CAMK4: variants seen among roughly 807,000 people sequenced by gnomAD.
CAMK4 encodes calcium/calmodulin-dependent protein kinase type IV.
A neutral mutation model predicts 44.9 loss-of-function variants in CAMK4; 22 were observed. The observed-to-expected ratio is 0.49, with a 90% CI of 0.35 to 0.70. CAMK4 has a LOEUF of 0.70. CAMK4 is among the 30% of genes least tolerant of loss of function. CAMK4 has a pLI of 0.01. For synonymous variants in CAMK4, 218 were observed against 215.4 expected, an observed-to-expected ratio of 1.01 and a Z score of -0.11; for missense variants, 498 against 586.8, an observed-to-expected ratio of 0.85 and a Z score of 1.56.
chr5:111,443,267 TATATATATATATACAC>T (rs1260307788), intron 5 of CAMK4, among the ~76,000 whole-genome samples: 379 of 48,788 alleles, frequency 7.8e-3, no homozygotes, highest in African/African-American at 0.027. Flanking sequence ...TATATATATA[TATATATATATATACAC>T]ACACACACAC....
At chr5:111,272,879 A>C (rs1256065680) in intron 1 of CAMK4, among the ~76,000 whole-genome samples, 1 of 152,144 alleles carries the variant, frequency 6.6e-6, no homozygotes, top group Non-Finnish European at 1.5e-5. Context: ...CCCAGTCGTC[A>C]GATTATTTAC....
intron 6 of CAMK4, among the ~76,000 whole-genome samples, chr5:111,447,313 A>G (rs1410237046): frequency 6.6e-6 from 1 of 152,184 alleles, no homozygotes; most frequent in Non-Finnish European, 1.5e-5. Context: ...GATGGGAGTG[A>G]TTCACAGAAA....
chr5:111,406,432 C>G (rs888753487), intron 5 of CAMK4, among the ~76,000 whole-genome samples: 2 of 152,036 alleles, frequency 1.3e-5, no homozygotes, highest in Non-Finnish European at 2.9e-5. Context: ...CCATGTTGGC[C>G]AGGCTGGTCT....
intron 1 of CAMK4, among the ~76,000 whole-genome samples, chr5:111,255,102 G>T (rs576792573): frequency 6.6e-6 from 1 of 152,086 alleles, no homozygotes; most frequent in Non-Finnish European, 1.5e-5. Context: ...TTTAAACTGG[G>T]CTGTGTATCA....
At position 111,413,588 on chromosome 5, in the gene CAMK4, A is replaced by AG. The variant is rs1455484657; in HGVS notation, c.459+18806_459+18807insG. Among the ~76,000 whole-genome samples, 3 of 152,268 alleles carry AG rather than the reference A, an allele frequency of 2.0e-5. No individual in the cohort carries two copies. In the East Asian group the frequency reaches 5.8e-4, roughly 29 times the overall value. Reference sequence around the variant, plus strand: ...CAACACTCCATCTCAAAAAAAAAAAAAAATTATTATGGAGCTAAAGCTATG... The same window carrying AG: ...CAACACTCCATCTCAAAAAAAAAAAAGAAATTATTATGGAGCTAAAGCTATG... On this transcript the variant is annotated intron_variant, in intron 5 of 10. Transcript: ENST00000282356.
intron 4 of CAMK4, among the ~76,000 whole-genome samples, chr5:111,390,385 C>A (rs1420213941): frequency 6.6e-6 from 1 of 151,782 alleles, no homozygotes; most frequent in Non-Finnish European, 1.5e-5. Context: ...TGCTTCTCAC[C>A]CCCGCCCCAT....
intron 4 of CAMK4, among the ~76,000 whole-genome samples, chr5:111,387,846 G>C (rs1751660781): frequency 6.6e-6 from 1 of 152,188 alleles, no homozygotes; most frequent in Non-Finnish European, 1.5e-5. Context: ...ATCTACTGAT[G>C]TCATACAACT....
Position 111,491,026 on chromosome 5 carries a change from C to G in CAMK4, c.*6560C>G, listed in dbSNP as rs905872000. 1 of 152,126 alleles carries G rather than the reference C, an allele frequency of 6.6e-6. No individual in the cohort carries two copies. Among genetic ancestry groups the G allele is most frequent in the South Asian group, 2.1e-4 (1 of 4,826 alleles). 9.4% of individuals were successfully genotyped at this position (152,126 alleles called of 1,614,324 possible). On this transcript the variant is annotated 3_prime_UTR_variant, in exon 11 of 11. Coordinates refer to ENST00000282356, the MANE Select transcript of CAMK4 (RefSeq NM_001744.6). ...TTAGTAAACAAATTAGTTATTTATGCTCTTACTTGAATGTCAGTCATTCAT... is the reference window on the plus strand; with the variant it reads ...TTAGTAAACAAATTAGTTATTTATGGTCTTACTTGAATGTCAGTCATTCAT...
At chr5:111,242,330 T>C (rs1397080914) in intron 1 of CAMK4, among the ~76,000 whole-genome samples, 1 of 152,216 alleles carries the variant, frequency 6.6e-6, no homozygotes, top group African/African-American at 2.4e-5. Context: ...ATTATGAAGA[T>C]TAAATGAAAC....
chr5:111,344,417 TACACACACACACAC>T (rs1561427067), intron 2 of CAMK4, among the ~76,000 whole-genome samples: 2 of 145,556 alleles, frequency 1.4e-5, no homozygotes, highest in Non-Finnish European at 3.1e-5. Flanking sequence ...TATATGTATA[TACACACACACACAC>T]ATACACACAC....
At chr5:111,347,706 C>G (rs1334116280) in intron 2 of CAMK4, among the ~76,000 whole-genome samples, 1 of 151,970 alleles carries the variant, frequency 6.6e-6, no homozygotes, top group Non-Finnish European at 1.5e-5. Flanking sequence ...CACCAGTCCT[C>G]TTGGATTAGG....
intron 7 of CAMK4, among the ~76,000 whole-genome samples, chr5:111,462,713 G>C (rs1754685335): frequency 6.6e-6 from 1 of 152,156 alleles, no homozygotes; most frequent in Non-Finnish European, 1.5e-5. Context: ...TTTTCTTCTA[G>C]GAATTTAAGA....
intron 1 of CAMK4, among the ~76,000 whole-genome samples, chr5:111,234,873 T>C (rs1249705801): frequency 6.6e-6 from 1 of 152,252 alleles, no homozygotes; most frequent in African/African-American, 2.4e-5. Context: ...GCATGCTTTG[T>C]TAAAAGTGCA....
In CAMK4 at chr5:111,492,613, A is replaced by G. The variant is rs2112521685; in HGVS notation, c.*8147A>G. 6.6e-6 allele frequency: 1 copy of G among 152,284 alleles called. No individual in the cohort carries two copies. The highest frequency in any genetic ancestry group is 2.1e-4 in the South Asian group (1 of 4,820). 9.4% of individuals were successfully genotyped at this position (152,284 alleles called of 1,614,324 possible). ...GAAACTAAACAACATAGTTTAGGGG[A>G]TATTAGGCCTACATTCTAATCACAT... is the stretch of plus-strand genomic sequence containing the variant. On this transcript the variant is annotated 3_prime_UTR_variant, in exon 11 of 11. Coordinates refer to ENST00000282356, the MANE Select transcript of CAMK4 (RefSeq NM_001744.6).
Position 111,365,348 on chromosome 5 carries a change from A to G in CAMK4, c.241-9502A>G, listed in dbSNP as rs73214489. On this transcript the variant is annotated intron_variant, in intron 2 of 10. Transcript: ENST00000282356. ...GTTGATGGTAACAAGAAGGCCTGAG[A>G]TGTTGTCATGGAAATGAGTTGCTAA... is the stretch of plus-strand genomic sequence containing the variant. 1.5e-3 allele frequency: 226 copies of G among 152,266 alleles called. 2 individuals are homozygous for G. Among genetic ancestry groups the G allele is most frequent in the African/African-American group, 5.1e-3 (210 of 41,574 alleles). The allele number at this position is 152,266 out of a possible 1,614,324, so 9.4% of individuals were successfully genotyped here.
At chr5:111,237,679 G>C (rs1022357175) in intron 1 of CAMK4, among the ~76,000 whole-genome samples, 1 of 152,150 alleles carries the variant, frequency 6.6e-6, no homozygotes, top group African/African-American at 2.4e-5. Flanking sequence ...TTTTAGAAAA[G>C]AATCATTCTT....
rs550774628 is a variant in CAMK4, at chr5:111,493,948, G to GT, written c.*9483dup. 2.2e-4 allele frequency: 34 copies of GT among 152,286 alleles called. No homozygotes were observed. In the South Asian group the frequency reaches 6.8e-3, roughly 31 times the overall value. The allele number at this position is 152,286 out of a possible 1,614,324, so 9.4% of individuals were successfully genotyped here. A position where few individuals can be genotyped will look rare whatever the true frequency, so the allele number is the denominator to read the frequency against. ...GAATTACTGTGAGGTTACAAAAATC[G>GT]TAAGTTAGCAGACATTGAGAAAGGA... On this transcript the variant is annotated 3_prime_UTR_variant, in exon 11 of 11. Transcript: ENST00000282356. The surrounding 1 kb of genome is among the most constrained non-coding windows in gnomAD (Gnocchi z 4.1).
intron 5 of CAMK4, among the ~76,000 whole-genome samples, chr5:111,404,602 A>G (rs1216433775): frequency 6.6e-6 from 1 of 152,192 alleles, no homozygotes; most frequent in Non-Finnish European, 1.5e-5. Flanking sequence ...GGTCCTGTTT[A>G]TAAGTTGGTA....
intron 4 of CAMK4, among the ~76,000 whole-genome samples, chr5:111,387,699 A>G (rs1006323422): frequency 6.6e-5 from 10 of 152,126 alleles, no homozygotes; most frequent in Non-Finnish European, 1.2e-4. Flanking sequence ...TCACTTGGCA[A>G]TTGGTATTGA....
Sources: gnomAD v4.1 joint callset for allele counts (sites outside exome capture counted in the v4.1 genomes callset) on GRCh38, gnomAD v4.1.1 for gene constraint, Gnocchi (gnomAD v3.1) non-coding constraint, MANE v1.5 for transcripts, NCBI Gene and HGNC (gene_info 2026-07-23, HGNC 2026-07-21) for gene names.